Variants in VPS18 observed in about 807,000 individuals in gnomAD.
VPS18 encodes VPS18 core subunit of CORVET and HOPS complexes.
A neutral mutation model predicts 82.0 loss-of-function variants in VPS18; 25 were observed. The ratio of observed to expected loss-of-function variants is 0.30; its 90% CI spans 0.22 to 0.43. VPS18 has a LOEUF of 0.43. Ranked by LOEUF, VPS18 falls within the 20% of genes least tolerant of loss-of-function variation. The probability of loss-of-function intolerance (pLI) is 1.00; values close to 1 mark genes in which losing one functional copy is unlikely to be tolerated. For missense variants in VPS18, 1,168 were observed against 1,311.1 expected (o/e 0.89, Z 1.69); for synonymous variants, 523 against 543.0 (o/e 0.96, Z 0.51).
At position 40,903,129 on chromosome 15, in the gene VPS18, G is replaced by T. The variant is rs376319388; in HGVS notation, c.2710G>T (p.Ala904Ser). Residue 904 changes from alanine to serine, a missense_variant, in exon 5 of 5, where the codon GCT becomes TCT. Ala to Ser is a moderately conservative substitution (Grantham distance 99, BLOSUM62 1). This residue lies in a region of VPS18 where 296 missense variants were observed against 354.0 expected (regional missense o/e 0.84). Transcript: ENST00000220509. ...GGAGGAGCTGCAGAGGAAGCTGGGG[G>T]CTGCTCCACCCCCAGCCAAGGGCTC... The part of the protein sequence containing the change: ...RLEELQRKLG[A>S]APPPAKGSAR... 3.1e-6 allele frequency: 5 copies of T among 1,610,078 alleles called. No homozygotes were observed. Among genetic ancestry groups the T allele is most frequent in the Non-Finnish European group, 4.2e-6 (5 of 1,178,170 alleles).
rs1216808417 is a variant in VPS18, at chr15:40,900,200, T to G, written c.1382T>G (p.Leu461Arg). The G allele has an allele frequency of 3.7e-6, 6 of 1,613,684 alleles. No individual in the cohort carries two copies. Among genetic ancestry groups the G allele is most frequent in the Non-Finnish European group, 5.1e-6 (6 of 1,180,016 alleles). Residue 461 changes from leucine (L) to arginine (R), a missense_variant, in exon 4 of 5, where the codon CTG becomes CGG. Coordinates refer to ENST00000220509, the MANE Select transcript of VPS18 (RefSeq NM_020857.3). The surrounding 1 kb of genome is among the most constrained non-coding windows in gnomAD (Gnocchi z 5.4). ...SYFEEIALKF[L>R]EARQEEALAE... ...TTTGAGGAGATTGCCCTCAAGTTCC[T>G]GGAGGCCCGACAGGAGGAGGCTCTG...
In VPS18 at chr15:40,900,964, G is replaced by T; in HGVS notation, c.2146G>T (p.Val716Phe). 1 of 1,611,014 alleles carries T rather than the reference G, an allele frequency of 6.2e-7. No homozygotes were observed. The change falls in exon 4 of 5, where the codon GTC becomes TTC. Residue 716 changes from valine (V) to phenylalanine (F), a missense_variant. Around this residue, in one of 3 missense-constraint regions of VPS18, gnomAD observed 296 missense variants for 354.0 expected, o/e 0.84. Coordinates refer to ENST00000220509, the MANE Select transcript of VPS18 (RefSeq NM_020857.3). The surrounding 1 kb of genome is among the most constrained non-coding windows in gnomAD (Gnocchi z 5.4). ...EHGHHRACVHVYKVLELYEEA... is the reference protein window; with the variant it reads ...EHGHHRACVHFYKVLELYEEA... The stretch of plus-strand genomic sequence containing the variant: ...TGGCCACCACCGCGCTTGTGTCCAT[G>T]TCTACAAGGTCCTAGAGCTGTATGA...
At chr15:40,898,267 T>A in intron 2 of VPS18, among the ~76,000 whole-genome samples, 1 of 147,884 alleles carries the variant, frequency 6.8e-6, no homozygotes, top group Middle Eastern at 3.5e-3. Context: ...TTTTTTTTTT[T>A]CCCCCCTTTT....
Position 40,899,105 on chromosome 15 carries a change from G to A in VPS18, c.326-39G>A, listed in dbSNP as rs376257687. 4.1e-5 allele frequency: 66 copies of A among 1,604,018 alleles called. No individual in the cohort carries two copies. Among genetic ancestry groups the A allele is most frequent in the Non-Finnish European group, 5.5e-5 (64 of 1,173,288 alleles). ...CCAGGAGGAGGCTGAGGATGGGAAC[G>A]GCAGCATCCACTGGGGCGCCATGCT... is the stretch of plus-strand genomic sequence containing the variant. On this transcript the variant is annotated intron_variant, in intron 3 of 4. Transcript: ENST00000220509. The surrounding 1 kb of genome is among the most constrained non-coding windows in gnomAD (Gnocchi z 4.4).
At position 40,900,700 on chromosome 15, in the gene VPS18, C is replaced by T. The variant is rs1892339490; in HGVS notation, c.1882C>T (p.Pro628Ser). Residue 628 changes from proline to serine, a missense_variant, in exon 4 of 5, where the codon CCT (proline) becomes TCT (serine). Physicochemically the swap from Pro to Ser is moderately conservative, Grantham distance 74 (BLOSUM62 -1). Around this residue, in one of 3 missense-constraint regions of VPS18, gnomAD observed 868 missense variants for 939.8 expected, o/e 0.92. Coordinates refer to ENST00000220509, the MANE Select transcript of VPS18 (RefSeq NM_020857.3). This position sits in a 1 kb window ranked among gnomAD's most constrained non-coding sequence, Gnocchi z 5.4. ...CCGGCTGGATGCTCGTCAGCTCATT[C>T]CTGCCCTGGTGAACTACAGCCAGGG... ...GSRLDARQLI[P>S]ALVNYSQGGE... is the part of the protein sequence containing the mutation. 1 of 1,614,196 alleles carries T rather than the reference C, an allele frequency of 6.2e-7. No homozygotes were observed. Among genetic ancestry groups the T allele is most frequent in the African/African-American group, 1.3e-5 (1 of 75,050 alleles).
Position 40,900,463 on chromosome 15 carries a change from A to G in VPS18, c.1645A>G (p.Ser549Gly), listed in dbSNP as rs1180379588. 1.2e-6 allele frequency: 2 copies of G among 1,614,034 alleles called. No homozygotes were observed. The highest frequency in any genetic ancestry group is 8.5e-7 in the Non-Finnish European group (1 of 1,180,000). Residue 549 changes from serine (S) to glycine (G), a missense_variant, in exon 4 of 5, where the codon AGT becomes GGT. Ser to Gly is a moderately conservative substitution (Grantham distance 56). This residue lies in a region of VPS18 where 868 missense variants were observed against 939.8 expected (regional missense o/e 0.92). Coordinates refer to ENST00000220509, the MANE Select transcript of VPS18 (RefSeq NM_020857.3). This position sits in a 1 kb window ranked among gnomAD's most constrained non-coding sequence, Gnocchi z 5.4. ...GGCCTCTATCCATGAGCTGCTCGCC[A>G]GTCATGGGGACACAGAACACATGGT... Reference protein sequence around the residue: ...SRASIHELLASHGDTEHMVYF... With the variant: ...SRASIHELLAGHGDTEHMVYF...
At position 40,900,981 on chromosome 15, in the gene VPS18, G is replaced by A; in HGVS notation, c.2163G>A (p.Glu721=). 6.2e-7 allele frequency: 1 copy of A among 1,607,718 alleles called. No homozygotes were observed. The highest frequency in any genetic ancestry group is 1.1e-5 in the South Asian group (1 of 91,058). ...RACVHVYKVL[E]LYEEAVDLAL... ...GTGTCCATGTCTACAAGGTCCTAGA[G>A]CTGTATGAGGAGGCCGTGGACCTGG... The change falls in exon 4 of 5, where the codon GAG becomes GAA. Residue 721 remains glutamate (E), a synonymous_variant. Transcript: ENST00000220509. This position sits in a 1 kb window ranked among gnomAD's most constrained non-coding sequence, Gnocchi z 5.4.
At position 40,903,278 on chromosome 15, in the gene VPS18, C is replaced by A. The variant is rs1328966857; in HGVS notation, c.2859C>A (p.Arg953=). ...TGTACTGTGGGGAGCTGATGATCCG[C>A]TCTATCGACCGGCCGTTCATCGACC... ...ECVYCGELMI[R]SIDRPFIDPQ... The change falls in exon 5 of 5, where the codon CGC becomes CGA. Residue 953 remains arginine, a synonymous_variant. Transcript: ENST00000220509. 1.3e-6 allele frequency: 2 copies of A among 1,580,436 alleles called. No homozygotes were observed. Among genetic ancestry groups the A allele is most frequent in the Non-Finnish European group, 8.6e-7 (1 of 1,163,522 alleles).
chr15:40,900,933 C>G lies in VPS18; in HGVS notation c.2115C>G (p.Ala705=). 6.2e-7 allele frequency: 1 copy of G among 1,613,160 alleles called. No individual in the cohort carries two copies. Among genetic ancestry groups the G allele is most frequent in the Non-Finnish European group, 8.5e-7 (1 of 1,180,022 alleles). Residue 705 remains alanine, a synonymous_variant, in exon 4 of 5, where the codon GCC becomes GCG. Coordinates refer to ENST00000220509, the MANE Select transcript of VPS18 (RefSeq NM_020857.3). This position sits in a 1 kb window ranked among gnomAD's most constrained non-coding sequence, Gnocchi z 5.4. Reference sequence around the variant, plus strand: ...TCAAGTATGCGCTGCGGCTCTGCGCCGAGCATGGCCACCACCGCGCTTGTG... The same window carrying G: ...TCAAGTATGCGCTGCGGCTCTGCGCGGAGCATGGCCACCACCGCGCTTGTG... ...YDLKYALRLC[A]EHGHHRACVH...
chr15:40,897,080 G>A (rs1892241934), intron 2 of VPS18, among the ~76,000 whole-genome samples: 1 of 152,204 alleles, frequency 6.6e-6, no homozygotes, highest in Admixed American at 6.5e-5. Flanking sequence ...CAGATCACCT[G>A]AGGTCGGGAG....
At chr15:40,894,896 C>G in intron 1 of VPS18, 37 bp downstream of exon 1, 1 of 1,531,326 alleles carries the variant, frequency 6.5e-7, no homozygotes, top group Non-Finnish European at 8.8e-7. Context: ...CCTTTCGGCT[C>G]TCCTAGCATT....
rs557207833 is a variant in VPS18 at position 40,903,160 on chromosome 15, G to T, written c.2741G>T (p.Arg914Leu). ...AAPPPAKGSA[R>L]AKEAEGGAAT... is the part of the protein sequence containing the mutation. ...CCACCCCCAGCCAAGGGCTCTGCCC[G>T]GGCCAAGGAGGCCGAGGGTGGGGCT... Residue 914 changes from arginine (R) to leucine (L), a missense_variant, in exon 5 of 5, where the codon CGG (arginine) becomes CTG (leucine). Physicochemically the swap from Arg to Leu is moderately radical, Grantham distance 102. Around this residue, in one of 3 missense-constraint regions of VPS18, gnomAD observed 296 missense variants for 354.0 expected, o/e 0.84. Transcript: ENST00000220509. 2 of 1,605,376 alleles carry T rather than the reference G, an allele frequency of 1.2e-6. No individual in the cohort carries two copies. The highest frequency in any genetic ancestry group is 2.2e-5 in the South Asian group (2 of 90,398).
Sources: gnomAD v4.1 joint callset for allele counts (sites outside exome capture counted in the v4.1 genomes callset) on GRCh38, gnomAD v4.1.1 for gene constraint, gnomAD v4.1.1 regional missense constraint, Gnocchi (gnomAD v3.1) non-coding constraint, MANE v1.5 for transcripts, NCBI Gene and HGNC (gene_info 2026-07-23, HGNC 2026-07-21) for gene names.